NCOA2: variants seen among roughly 807,000 people sequenced by gnomAD.
NCOA2 encodes nuclear receptor coactivator 2, also known as class E basic helix-loop-helix protein 75.
NCOA2 carries 21 observed loss-of-function variants against 145.1 expected under a neutral mutation model. The ratio of observed to expected loss-of-function variants is 0.14; its 90% confidence interval spans 0.10 to 0.21. NCOA2 has a LOEUF of 0.21. Among genes scored for constraint, NCOA2 ranks in the 10% least tolerant of loss-of-function variants. The pLI is 1.00. For missense variants in NCOA2, 1,472 were observed against 1,837.6 expected (o/e 0.80, Z 3.64); for synonymous variants, 619 against 637.5 (o/e 0.97, Z 0.44).
At chr8:70,235,114 C>T (rs1400328090) in intron 2 of NCOA2, among the ~76,000 whole-genome samples, 3 of 152,110 alleles carry the variant, frequency 2.0e-5, no homozygotes, top group African/African-American at 7.2e-5. Context: ...AAGGTGCACA[C>T]ACATATAATA....
intron 2 of NCOA2, among the ~76,000 whole-genome samples, chr8:70,258,464 A>T (rs997807389): frequency 6.6e-6 from 1 of 151,422 alleles, no homozygotes; most frequent in East Asian, 1.9e-4. Flanking sequence ...TTTATCTGCT[A>T]TTTTTTTTTC....
chr8:70,304,330 A>G (rs757005851), intron 1 of NCOA2, among the ~76,000 whole-genome samples: 14 of 152,206 alleles, frequency 9.2e-5, no homozygotes, highest in Non-Finnish European at 1.8e-4. Flanking sequence ...CATGCTACAC[A>G]GGTTTGTAGC....
chr8:70,378,743 T>TAAAAA lies in NCOA2; in HGVS notation c.-77+24952_-77+24956dup, dbSNP rs10672044. 9.0e-3 allele frequency among the ~76,000 whole-genome samples: 989 copies of TAAAAA among 109,792 alleles called. 21 individuals carry two copies. The highest frequency in any genetic ancestry group is 0.079 in the East Asian group (310 of 3,904). 72.0% of individuals were successfully genotyped at this position (109,792 alleles called of 152,430 possible). A position where few individuals can be genotyped will look rare whatever the true frequency, so the allele number is the denominator to read the frequency against. ...AAGTCCCTGCACTTGTAGGCTATGC[T>TAAAAA]AAAAAAAAAAAAAAAAAAAACATAA... On this transcript the variant is annotated intron_variant, in intron 1 of 22. Transcript: ENST00000452400.
At chr8:70,366,558 TA>T (rs944970913) in intron 1 of NCOA2, among the ~76,000 whole-genome samples, 2 of 151,408 alleles carry the variant, frequency 1.3e-5, no homozygotes, top group African/African-American at 2.4e-5. Flanking sequence ...TGTTATTTTT[TA>T]AATCTAAACC....
chr8:70,327,575 T>A (rs1349187569), intron 1 of NCOA2, among the ~76,000 whole-genome samples: 1 of 152,170 alleles, frequency 6.6e-6, no homozygotes, highest in Non-Finnish European at 1.5e-5. Context: ...AAAATTAATG[T>A]AGTTAAAAGT....
rs566443016 is a variant in NCOA2, at chr8:70,308,496, A to AAT, written c.-76-11698_-76-11697dup. Among the ~76,000 whole-genome samples, 233 of 150,922 alleles carry AAT rather than the reference A, an allele frequency of 1.5e-3. 1 individual carries two copies. Among genetic ancestry groups the AAT allele is most frequent in the Non-Finnish European group, 1.4e-3 (96 of 67,634 alleles). On this transcript the variant is annotated intron_variant, in intron 1 of 22. Transcript: ENST00000452400. Reference sequence around the variant, plus strand: ...ACACATATATGTGTGTGTGTGTATAAATATATATATATATAAAACATGTAT... The same window carrying AAT: ...ACACATATATGTGTGTGTGTGTATAAATATATATATATATATAAAACATGTAT...
chr8:70,327,284 T>C (rs982794819), intron 1 of NCOA2, among the ~76,000 whole-genome samples: 2 of 152,232 alleles, frequency 1.3e-5, no homozygotes, highest in African/African-American at 4.8e-5. Context: ...AAAGTGTGCC[T>C]GGTAACAACA....
At chr8:70,246,477 A>G (rs562834322) in intron 2 of NCOA2, among the ~76,000 whole-genome samples, 29 of 152,148 alleles carry the variant, frequency 1.9e-4, no homozygotes, top group Non-Finnish European at 3.1e-4. Flanking sequence ...AATTTAAACT[A>G]TATTTTACAT....
At chr8:70,398,890 A>G (rs1813949461) in intron 1 of NCOA2, among the ~76,000 whole-genome samples, 1 of 152,228 alleles carries the variant, frequency 6.6e-6, no homozygotes, top group African/African-American at 2.4e-5. Context: ...TAGAGTAAAC[A>G]CATAAAATCT....
chr8:70,191,097 C>CT (rs1816627878), intron 4 of NCOA2, among the ~76,000 whole-genome samples: 2 of 152,056 alleles, frequency 1.3e-5, no homozygotes, highest in Non-Finnish European at 2.9e-5. Flanking sequence ...AAACTTTCAG[C>CT]TTCATCATGA....
At chr8:70,329,266 G>C (rs1806867637) in intron 1 of NCOA2, among the ~76,000 whole-genome samples, 2 of 152,156 alleles carry the variant, frequency 1.3e-5, no homozygotes, top group South Asian at 4.2e-4. Flanking sequence ...ACAGGCGTGA[G>C]CCACCACACC....
chr8:70,135,133 T>A (rs1244741893), intron 15 of NCOA2, among the ~76,000 whole-genome samples: 2 of 152,190 alleles, frequency 1.3e-5, no homozygotes, highest in East Asian at 3.9e-4. Context: ...CTGATCTTTC[T>A]CCAAAAGATG....
intron 1 of NCOA2, among the ~76,000 whole-genome samples, chr8:70,335,742 G>T (rs991268158): frequency 6.6e-6 from 1 of 152,118 alleles, no homozygotes; most frequent in South Asian, 2.1e-4. Context: ...GAAATGCATC[G>T]TTAGGTGATT....
At chr8:70,319,472 G>T (rs1376516716) in intron 1 of NCOA2, among the ~76,000 whole-genome samples, 1 of 151,996 alleles carries the variant, frequency 6.6e-6, no homozygotes, top group Admixed American at 6.6e-5. Flanking sequence ...AGCCCAGGAC[G>T]TGGAGGTTAC....
the NCOA2 span, among the ~76,000 whole-genome samples, chr8:70,419,858 C>T: frequency 6.6e-6 from 1 of 152,166 alleles, no homozygotes; most frequent in East Asian, 1.9e-4. Context: ...CCCATGACTT[C>T]CAATTAACCA....
chr8:70,335,550 C>A (rs79433673), intron 1 of NCOA2, among the ~76,000 whole-genome samples: 4,866 of 152,240 alleles, frequency 0.032, 250 homozygotes, highest in African/African-American at 0.11. Flanking sequence ...GGACTATTTT[C>A]ACCTTGTAAA....
intron 2 of NCOA2, among the ~76,000 whole-genome samples, chr8:70,221,455 T>C (rs1357468119): frequency 6.6e-6 from 1 of 152,128 alleles, no homozygotes; most frequent in Non-Finnish European, 1.5e-5. Context: ...AAAGCAAAAT[T>C]TCTGGGCCAG....
the NCOA2 span, among the ~76,000 whole-genome samples, chr8:70,428,822 C>A: frequency 9.2e-5 from 14 of 151,616 alleles, no homozygotes; most frequent in African/African-American, 2.9e-4. Context: ...GCAATATGCC[C>A]TCTGTGTGGC....
the NCOA2 span, chr8:70,424,420 G>A: frequency 2.2e-6 from 1 of 448,382 alleles, no homozygotes; most frequent in South Asian, 1.8e-5. Context: ...CTGTGCTCTT[G>A]GTGAGGTTAG....
Sources: gnomAD v4.1 joint callset for allele counts (sites outside exome capture counted in the v4.1 genomes callset) on GRCh38, gnomAD v4.1.1 for gene constraint, MANE v1.5 for transcripts, NCBI Gene and HGNC (gene_info 2026-07-23, HGNC 2026-07-21) for gene names.